Variants in NAALADL2 observed in about 807,000 individuals in gnomAD.
The protein encoded by NAALADL2 is inactive N-acetylated-alpha-linked acidic dipeptidase-like protein 2.
A neutral mutation model predicts 87.2 loss-of-function variants in NAALADL2; 76 were observed. The ratio of observed to expected loss-of-function variants is 0.87; its 90% CI spans 0.72 to 1.05. NAALADL2 has a LOEUF of 1.05. Ranked by LOEUF, NAALADL2 falls within the 50% of genes least tolerant of loss-of-function variation. NAALADL2 has a pLI of 0.00. For synonymous variants in NAALADL2, 354 were observed against 331.0 expected, an observed-to-expected ratio of 1.07 and a Z score of -0.75; for missense variants, 1,089 against 945.8, an observed-to-expected ratio of 1.15 and a Z score of -1.99.
chr3:175,148,750 A>G (rs142641432), intron 2 of NAALADL2, among the ~76,000 whole-genome samples: 5 of 152,238 alleles, frequency 3.3e-5, no homozygotes, highest in East Asian at 1.9e-4. Flanking sequence ...TCAGATGACC[A>G]TAAGTGTACA....
chr3:175,319,229 T>C (rs991051068), intron 4 of NAALADL2, among the ~76,000 whole-genome samples: 5 of 152,214 alleles, frequency 3.3e-5, no homozygotes, highest in Admixed American at 2.6e-4. Flanking sequence ...GGGAAAATAA[T>C]GACAAAAGTC....
intron 1 of NAALADL2, among the ~76,000 whole-genome samples, chr3:175,080,059 G>A (rs986489284): frequency 2.0e-5 from 3 of 151,404 alleles, no homozygotes; most frequent in South Asian, 2.1e-4. Flanking sequence ...TCCGCCTCCC[G>A]GGTTCACGCC....
chr3:175,529,577 A>G (rs1421089992), intron 9 of NAALADL2, among the ~76,000 whole-genome samples: 1 of 152,164 alleles, frequency 6.6e-6, no homozygotes, highest in African/African-American at 2.4e-5. Context: ...CCTACAAAGT[A>G]TAGTCACCTA....
chr3:174,732,956 T>G (rs1419426035), intron 2 of NAALADL2, among the ~76,000 whole-genome samples: 1 of 152,150 alleles, frequency 6.6e-6, no homozygotes, highest in African/African-American at 2.4e-5. Context: ...CCATCAGAAT[T>G]AAAGATAATT....
chr3:175,411,000 TGGATGC>T (rs1334317879), intron 5 of NAALADL2, among the ~76,000 whole-genome samples: 1 of 152,166 alleles, frequency 6.6e-6, no homozygotes, highest in East Asian at 1.9e-4. Context: ...AAAGTCCTTT[TGGATGC>T]GGTGTTATAG....
intron 9 of NAALADL2, among the ~76,000 whole-genome samples, chr3:175,517,770 T>C (rs1189423770): frequency 6.6e-6 from 1 of 152,018 alleles, no homozygotes; most frequent in South Asian, 2.1e-4. Context: ...AAAACGGCTC[T>C]CTCTCTTGAG....
At position 175,388,407 on chromosome 3, in the gene NAALADL2, C is replaced by T. The variant is rs555745179; in HGVS notation, c.1091-58822C>T. Among the ~76,000 whole-genome samples, 5 of 152,084 alleles carry T rather than the reference C, an allele frequency of 3.3e-5. No individual in the cohort carries two copies. In the South Asian group the frequency reaches 1.0e-3, roughly 32 times the overall value. ...TAGACATTGCTAGACATTATGTATG[C>T]TAGCTTTAAAATTTCAGTAAGTATA... On this transcript the variant is annotated intron_variant, in intron 5 of 13. Coordinates refer to ENST00000454872, the MANE Select transcript of NAALADL2 (RefSeq NM_207015.3).
intron 5 of NAALADL2, among the ~76,000 whole-genome samples, chr3:175,355,361 C>T (rs529863286): frequency 3.3e-5 from 5 of 152,072 alleles, no homozygotes; most frequent in South Asian, 2.1e-4. Context: ...TTAGACACCG[C>T]GCCCAGCCAC....
chr3:175,245,324 T>C (rs1747767446), intron 3 of NAALADL2, among the ~76,000 whole-genome samples: 1 of 152,218 alleles, frequency 6.6e-6, no homozygotes, highest in Admixed American at 6.5e-5. Flanking sequence ...TACAATTTTT[T>C]ACTCTAGCCT....
At chr3:174,505,995 G>A (rs1269526070) in intron 1 of NAALADL2, among the ~76,000 whole-genome samples, 5 of 151,938 alleles carry the variant, frequency 3.3e-5, no homozygotes, top group East Asian at 1.9e-4. Context: ...GTATCTCTGC[G>A]TGTGCAAGCA....
intron 9 of NAALADL2, among the ~76,000 whole-genome samples, chr3:175,506,712 T>A (rs369045402): frequency 4.6e-5 from 7 of 152,288 alleles, no homozygotes; most frequent in Non-Finnish European, 8.8e-5. Flanking sequence ...AAGTAGGGGC[T>A]TTTTAGATGT....
chr3:175,072,408 T>C (rs1346764666), intron 1 of NAALADL2, among the ~76,000 whole-genome samples: 2 of 151,998 alleles, frequency 1.3e-5, no homozygotes, highest in African/African-American at 2.4e-5. Flanking sequence ...AAATTAGACA[T>C]CAAATATTTG....
intron 9 of NAALADL2, among the ~76,000 whole-genome samples, chr3:175,518,744 T>A (rs1227984997): frequency 1.3e-5 from 2 of 152,182 alleles, no homozygotes; most frequent in Non-Finnish European, 2.9e-5. Flanking sequence ...ATGAATAGAT[T>A]AACCCATTCA....
Position 175,110,213 on chromosome 3 carries a change from C to T in NAALADL2, c.545+12922C>T, listed in dbSNP as rs145487888. On this transcript the variant is annotated intron_variant, in intron 2 of 13. Transcript: ENST00000454872. The stretch of plus-strand genomic sequence containing the variant: ...TAAAAGAAGCAAGTTAAGGATGATA[C>T]GTTAATCCTGGATTCTTGATTTCTT... 4.3e-4 allele frequency among the ~76,000 whole-genome samples: 66 copies of T among 151,816 alleles called. 1 individual carries two copies. In the South Asian group the frequency reaches 8.1e-3, roughly 19 times the overall value.
chr3:175,024,541 C>T (rs1223939516), intron 1 of NAALADL2, among the ~76,000 whole-genome samples: 1 of 151,888 alleles, frequency 6.6e-6, no homozygotes, highest in Non-Finnish European at 1.5e-5. Context: ...TATTAGAAAT[C>T]ATAGGTAAGA....
chr3:175,040,026 C>T (rs540799261), intron 1 of NAALADL2, among the ~76,000 whole-genome samples: 10 of 152,266 alleles, frequency 6.6e-5, no homozygotes, highest in African/African-American at 2.2e-4. Flanking sequence ...TGCGCACAGG[C>T]ATATGTGCAC....
chr3:175,403,948 G>A (rs1229068313), intron 5 of NAALADL2, among the ~76,000 whole-genome samples: 3 of 151,976 alleles, frequency 2.0e-5, no homozygotes, highest in Non-Finnish European at 4.4e-5. Flanking sequence ...TTTCTTCCAG[G>A]TCTTGGGAAT....
chr3:174,605,944 C>A (rs868240800), intron 2 of NAALADL2, among the ~76,000 whole-genome samples: 15 of 152,278 alleles, frequency 9.9e-5, no homozygotes, highest in African/African-American at 3.4e-4. Flanking sequence ...TGACACCTCA[C>A]ATGGCCGGAT....
chr3:175,371,786 T>G (rs1165852818), intron 5 of NAALADL2, among the ~76,000 whole-genome samples: 14 of 151,328 alleles, frequency 9.3e-5, no homozygotes, highest in Non-Finnish European at 1.8e-4. Flanking sequence ...ATCATGCCAC[T>G]GCCCTCCAGC....
Sources: gnomAD v4.1 joint callset for allele counts (sites outside exome capture counted in the v4.1 genomes callset) on GRCh38, gnomAD v4.1.1 for gene constraint, MANE v1.5 for transcripts, NCBI Gene and HGNC (gene_info 2026-07-23, HGNC 2026-07-21) for gene names.